Variants in SEPTIN9 observed in about 807,000 individuals in gnomAD.
SEPTIN9 encodes the protein septin 9, also known as septin-9.
A neutral mutation model predicts 56.6 loss-of-function variants in SEPTIN9; 13 were observed. The observed-to-expected ratio is 0.23, with a 90% CI of 0.15 to 0.37. The LOEUF is 0.37. Ranked by LOEUF, SEPTIN9 falls within the 10% of genes least tolerant of loss-of-function variation. The pLI is 1.00. For missense variants in SEPTIN9, 650 were observed against 823.1 expected, an observed-to-expected ratio of 0.79 and a Z score of 2.57; for synonymous variants, 332 against 334.1, an observed-to-expected ratio of 0.99 and a Z score of 0.07.
At position 77,330,943 on chromosome 17, in the gene SEPTIN9, G is replaced by A. The variant is rs528173311; in HGVS notation, c.76+23746G>A. Among the ~76,000 whole-genome samples the A allele has an allele frequency of 6.2e-4, 95 of 152,352 alleles. No individual in the cohort carries two copies. Among genetic ancestry groups the A allele is most frequent in the Non-Finnish European group, 9.7e-4 (66 of 68,036 alleles). The stretch of plus-strand genomic sequence containing the variant: ...CAGCTTGTCCCTCCAGCTGGGAATC[G>A]GAGCTCACCTGGAGTCCCAGGCAGC... On this transcript the variant is annotated intron_variant, in intron 2 of 11. Coordinates refer to ENST00000427177, the MANE Select transcript of SEPTIN9 (RefSeq NM_001113491.2). The surrounding 1 kb of genome is among the most constrained non-coding windows in gnomAD (Gnocchi z 4.4).
chr17:77,423,696 C>T (rs554154983), intron 3 of SEPTIN9, among the ~76,000 whole-genome samples: 14 of 152,362 alleles, frequency 9.2e-5, no homozygotes, highest in African/African-American at 2.6e-4. Flanking sequence ...CTGCCCCCGT[C>T]GCGTTCCTGC....
chr17:77,477,767 C>T (rs917308805), intron 3 of SEPTIN9, among the ~76,000 whole-genome samples: 17 of 152,058 alleles, frequency 1.1e-4, no homozygotes, highest in East Asian at 3.9e-4. Context: ...CTCCCAGCTG[C>T]GGAGCCGGGA....
Position 77,500,318 on chromosome 17 carries a change from A to C in SEPTIN9, c.*1660A>C. 1 of 201,638 alleles carries C rather than the reference A, an allele frequency of 5.0e-6. No individual in the cohort carries two copies. Among genetic ancestry groups the C allele is most frequent in the Admixed American group, 6.0e-5 (1 of 16,618 alleles). The allele number at this position is 201,638 out of a possible 1,614,324, so 12.5% of individuals were successfully genotyped here. ...TTGCCAAAACCAAGATTTTGAAGGA[A>C]ATGAGTGGCCAGCGCCAGGGCCCAG... On this transcript the variant is annotated 3_prime_UTR_variant, in exon 12 of 12. Transcript: ENST00000427177.
At chr17:77,407,170 C>G (rs1326925348) in intron 3 of SEPTIN9, among the ~76,000 whole-genome samples, 1 of 150,218 alleles carries the variant, frequency 6.7e-6, no homozygotes, top group Non-Finnish European at 1.5e-5. Flanking sequence ...GTAGTCCCAG[C>G]TACTGGGGAG....
At position 77,425,100 on chromosome 17, in the gene SEPTIN9, C is replaced by A. The variant is rs1034006774; in HGVS notation, c.721+22397C>A. Among the ~76,000 whole-genome samples, 1 of 152,146 alleles carries A rather than the reference C, an allele frequency of 6.6e-6. No homozygotes were observed. Among genetic ancestry groups the A allele is most frequent in the African/African-American group, 2.4e-5 (1 of 41,414 alleles). ...CGGCCAAAGTGAGCTCTGCTCCAGT[C>A]CCCCCACCCCCGGGGCTGTTCCTGG... On this transcript the variant is annotated intron_variant, in intron 3 of 11. Coordinates refer to ENST00000427177, the MANE Select transcript of SEPTIN9 (RefSeq NM_001113491.2). The surrounding 1 kb of genome is among the most constrained non-coding windows in gnomAD (Gnocchi z 4.2).
At chr17:77,491,226 T>C (rs953921443) in intron 8 of SEPTIN9, among the ~76,000 whole-genome samples, 41 of 36,348 alleles carry the variant, frequency 1.1e-3, no homozygotes, top group South Asian at 3.3e-3. Context: ...GCCCCCCCTT[T>C]TTTTTTTTGA....
intron 2 of SEPTIN9, among the ~76,000 whole-genome samples, chr17:77,381,882 G>A (rs1406996186): frequency 6.6e-6 from 1 of 152,166 alleles, no homozygotes; most frequent in Non-Finnish European, 1.5e-5. Flanking sequence ...AGGCACTGGG[G>A]GTCTAGGCAT....
rs554432170 is a variant in SEPTIN9 at position 77,435,276 on chromosome 17, T to C, written c.721+32573T>C. Among the ~76,000 whole-genome samples the C allele has an allele frequency of 6.6e-5, 10 of 152,266 alleles. No homozygotes were observed. In the South Asian group the frequency reaches 2.1e-3, roughly 32 times the overall value. The stretch of plus-strand genomic sequence containing the variant: ...TTTACCTCTTCGGCCAGCCCTCTGA[T>C]TGCAAAACCTGAGGCCCAGAGGAGT... On this transcript the variant is annotated intron_variant, in intron 3 of 11. Transcript: ENST00000427177. This position sits in a 1 kb window ranked among gnomAD's most constrained non-coding sequence, Gnocchi z 4.5.
intron 2 of SEPTIN9, chr17:77,320,216 G>C: frequency 1.2e-6 from 2 of 1,608,172 alleles, no homozygotes; most frequent in South Asian, 2.2e-5. Context: ...TTTAGAGGAG[G>C]AGGAGGAGGA....
chr17:77,409,783 C>T (rs538647068), intron 3 of SEPTIN9, among the ~76,000 whole-genome samples: 1 of 152,358 alleles, frequency 6.6e-6, no homozygotes, highest in Non-Finnish European at 1.5e-5. Flanking sequence ...AGGGGCGCGC[C>T]GCGGCCAGAC....
chr17:77,457,791 T>C (rs1244283002), intron 3 of SEPTIN9, among the ~76,000 whole-genome samples: 1 of 152,390 alleles, frequency 6.6e-6, no homozygotes, highest in South Asian at 2.1e-4. Flanking sequence ...CCTGGTGCCC[T>C]CCCTCAGTGA....
intron 1 of SEPTIN9, among the ~76,000 whole-genome samples, chr17:77,285,181 TG>T (rs1340044498): frequency 1.3e-5 from 2 of 152,084 alleles, no homozygotes; most frequent in African/African-American, 4.8e-5. Flanking sequence ...TGGAGCCAGC[TG>T]CACTGTACCC....
intron 2 of SEPTIN9, chr17:77,376,322 A>G (rs186456871): frequency 1.7e-3 from 1,713 of 985,894 alleles, no homozygotes; most frequent in Middle Eastern, 7.8e-3. Context: ...GTGGCTGGGA[A>G]TGGGCGCAGG....
chr17:77,414,182 A>G (rs2036408956), intron 3 of SEPTIN9, among the ~76,000 whole-genome samples: 2 of 151,864 alleles, frequency 1.3e-5, no homozygotes, highest in African/African-American at 4.8e-5. Context: ...GGGTTCAACC[A>G]ATTCTCCTGC....
Position 77,476,061 on chromosome 17 carries a change from G to A in SEPTIN9, c.722-6083G>A, listed in dbSNP as rs979850042. On this transcript the variant is annotated intron_variant, in intron 3 of 11. Coordinates refer to ENST00000427177, the MANE Select transcript of SEPTIN9 (RefSeq NM_001113491.2). The surrounding 1 kb of genome is among the most constrained non-coding windows in gnomAD (Gnocchi z 6.0). ...CCTGGAGCTGGGAATGGCATTGGGC[G>A]GTGGCTCAGGGTCCCTTGCCCCAGC... Among the ~76,000 whole-genome samples, 3 of 152,154 alleles carry A rather than the reference G, an allele frequency of 2.0e-5. No individual in the cohort carries two copies. The highest frequency in any genetic ancestry group is 1.3e-4 in the Admixed American group (2 of 15,280).
chr17:77,471,850 G>T (rs1402166794), intron 3 of SEPTIN9, among the ~76,000 whole-genome samples: 3 of 152,216 alleles, frequency 2.0e-5, no homozygotes, highest in South Asian at 2.1e-4. Context: ...CTGCTGGAAG[G>T]TTCCTTGGGG....
intron 1 of SEPTIN9, among the ~76,000 whole-genome samples, chr17:77,296,343 GGATGGATGGATGGCTA>G (rs2031810789): frequency 6.6e-6 from 1 of 152,188 alleles, no homozygotes; most frequent in Non-Finnish European, 1.5e-5. Context: ...GGAGATGGAT[GGATGGATGGATGGCTA>G]GATAGACAGA....
intron 2 of SEPTIN9, among the ~76,000 whole-genome samples, chr17:77,390,437 A>AC (rs1248440170): frequency 6.8e-6 from 1 of 148,080 alleles, no homozygotes; most frequent in East Asian, 2.0e-4. Context: ...AAAAAAAAAA[A>AC]AACTGCACAT....
At chr17:77,398,666 G>A (rs1316688082) in intron 2 of SEPTIN9, among the ~76,000 whole-genome samples, 5 of 152,230 alleles carry the variant, frequency 3.3e-5, no homozygotes, top group African/African-American at 7.2e-5. Context: ...GGACACCTCC[G>A]GAATGGGGCG....
Sources: gnomAD v4.1 joint callset for allele counts (sites outside exome capture counted in the v4.1 genomes callset) on GRCh38, gnomAD v4.1.1 for gene constraint, Gnocchi (gnomAD v3.1) non-coding constraint, MANE v1.5 for transcripts, NCBI Gene and HGNC (gene_info 2026-07-23, HGNC 2026-07-21) for gene names.